The following FUBP3 variants were observed in gnomAD, a reference collection of about 807,000 sequenced individuals.
The protein encoded by FUBP3 is far upstream element-binding protein 3.
A neutral mutation model predicts 85.6 loss-of-function variants in FUBP3; 28 were observed. The ratio of observed to expected loss-of-function variants is 0.33; its 90% CI spans 0.24 to 0.45. FUBP3 has a LOEUF of 0.45. Among genes scored for constraint, FUBP3 ranks in the 20% least tolerant of loss-of-function variants. The probability of loss-of-function intolerance (pLI) is 1.00; values close to 1 mark genes in which losing one functional copy is unlikely to be tolerated. For synonymous variants in FUBP3, 271 were observed against 271.4 expected (o/e 1.00, Z 0.01); for missense variants, 583 against 755.1 (o/e 0.77, Z 2.67).
chr9:130,580,080 TCGCGAGG>T (rs1178281030), intron 1 of FUBP3, among the ~76,000 whole-genome samples: 2 of 152,012 alleles, frequency 1.3e-5, no homozygotes, highest in African/African-American at 4.8e-5. Context: ...GTTCTGAACC[TCGCGAGG>T]GGAGGGGTCC....
intron 1 of FUBP3, among the ~76,000 whole-genome samples, chr9:130,589,714 T>A (rs1287599769): frequency 1.3e-3 from 153 of 116,334 alleles, no homozygotes; most frequent in Non-Finnish European, 1.9e-3. Context: ...TATTTTTTTT[T>A]TTTTTTTTTT....
chr9:130,628,094 G>GCGCACACACACA lies in FUBP3; in HGVS notation c.1117+1590_1117+1591insGCACACACACAC, dbSNP rs1280537209. Among the ~76,000 whole-genome samples, 13 of 119,540 alleles carry GCGCACACACACA rather than the reference G, an allele frequency of 1.1e-4. No individual in the cohort carries two copies. The East Asian group carries it at 1.5e-3, about 14-fold the overall frequency. The allele number at this position is 119,540 out of a possible 152,430, so 78.4% of individuals were successfully genotyped here. A position where few individuals can be genotyped will look rare whatever the true frequency, so the allele number is the denominator to read the frequency against. On this transcript the variant is annotated intron_variant, in intron 12 of 18. Transcript: ENST00000319725. ...CACCGCACTAAACACACGCACGCAC[G>GCGCACACACACA]CACGCACGCGCACACACACACACAC... is the stretch of plus-strand genomic sequence containing the variant.
At chr9:130,613,143 T>C (rs1469890772) in intron 5 of FUBP3, 116 bp downstream of exon 5, 16 of 669,782 alleles carry the variant, frequency 2.4e-5, no homozygotes, top group Non-Finnish European at 3.7e-5. Flanking sequence ...GTGTTTTCCT[T>C]GCACTTTGGG....
chr9:130,612,398 A>G lies in FUBP3; in HGVS notation c.225-58A>G. The G allele has an allele frequency of 1.8e-6, 2 of 1,142,694 alleles. No individual in the cohort carries two copies. Among genetic ancestry groups the G allele is most frequent in the Non-Finnish European group, 2.6e-6 (2 of 761,862 alleles). 70.8% of individuals were successfully genotyped at this position (1,142,694 alleles called of 1,614,324 possible). On this transcript the variant is annotated intron_variant, in intron 3 of 18. Coordinates refer to ENST00000319725, the MANE Select transcript of FUBP3 (RefSeq NM_003934.2). The surrounding 1 kb of genome is among the most constrained non-coding windows in gnomAD (Gnocchi z 4.1). ...GCCAGTATGGGCAGTTTGGGGACCT[A>G]AAATGGCTGCAAAAGTCTGTATTCT...
At chr9:130,588,330 CAA>C (rs1216155867) in intron 1 of FUBP3, among the ~76,000 whole-genome samples, 1 of 152,054 alleles carries the variant, frequency 6.6e-6, no homozygotes, top group Non-Finnish European at 1.5e-5. Context: ...ATTTTAAAAA[CAA>C]TATTGTTAGA....
chr9:130,587,253 T>C (rs10901208), intron 1 of FUBP3, among the ~76,000 whole-genome samples: 50,470 of 151,538 alleles, frequency 0.33, 8,745 homozygotes, highest in East Asian at 0.5. Flanking sequence ...TCTGTAGAGA[T>C]GCGGTTTCAC....
At chr9:130,594,215 G>A (rs1830752531) in intron 1 of FUBP3, among the ~76,000 whole-genome samples, 1 of 152,148 alleles carries the variant, frequency 6.6e-6, no homozygotes, top group Non-Finnish European at 1.5e-5. Context: ...GCGAGACTGA[G>A]GCAGGAGGAT....
At chr9:130,581,382 GCA>G in intron 1 of FUBP3, 1 of 152,348 alleles carries the variant, frequency 6.6e-6, no homozygotes, top group South Asian at 2.1e-4. Flanking sequence ...GCTCTGAAAT[GCA>G]CCATTGACTG....
intron 3 of FUBP3, 125 bp downstream of exon 3, chr9:130,610,112 T>C: frequency 1.3e-6 from 1 of 765,844 alleles, no homozygotes; most frequent in Non-Finnish European, 2.2e-6. Flanking sequence ...TAGGCTTCTT[T>C]AAGACTCGAG....
At chr9:130,631,709 G>T in intron 14 of FUBP3, 79 bp downstream of exon 14, 2 of 1,182,830 alleles carry the variant, frequency 1.7e-6, no homozygotes, top group Non-Finnish European at 2.5e-6. Flanking sequence ...GCTACTTCTA[G>T]CGAGTGCCAG....
chr9:130,601,787 A>G (rs148466050), intron 2 of FUBP3, among the ~76,000 whole-genome samples: 158 of 148,106 alleles, frequency 1.1e-3, no homozygotes, highest in African/African-American at 3.8e-3. Context: ...TGGAAATTTT[A>G]GAAATAATTC....
At chr9:130,601,801 A>ATTATTTTTTTTT (rs374173253) in intron 2 of FUBP3, among the ~76,000 whole-genome samples, 39 of 117,376 alleles carry the variant, frequency 3.3e-4, no homozygotes, top group Non-Finnish European at 6.5e-4. Flanking sequence ...ATAATTCCTA[A>ATTATTTTTTTTT]TTTTTTTTTT....
At chr9:130,590,144 T>C (rs148556350) in intron 1 of FUBP3, among the ~76,000 whole-genome samples, 46 of 150,050 alleles carry the variant, frequency 3.1e-4, no homozygotes, top group African/African-American at 1.1e-3. Context: ...GTGGAAAACT[T>C]TGTCATGCAT....
chr9:130,612,446 T>G lies in FUBP3; in HGVS notation c.225-10T>G. The G allele has an allele frequency of 6.3e-7, 1 of 1,580,680 alleles. No individual in the cohort carries two copies. The highest frequency in any genetic ancestry group is 2.2e-5 in the East Asian group (1 of 44,732). ...TCTGTATTTTTTTCCAAAATGTTCTTTGTTTTTAGGACGGTAATAACGGAA... is the reference window on the plus strand; with the variant it reads ...TCTGTATTTTTTTCCAAAATGTTCTGTGTTTTTAGGACGGTAATAACGGAA... On this transcript the variant is annotated splice_polypyrimidine_tract_variant and intron_variant, in intron 3 of 18. Coordinates refer to ENST00000319725, the MANE Select transcript of FUBP3 (RefSeq NM_003934.2). The surrounding 1 kb of genome is among the most constrained non-coding windows in gnomAD (Gnocchi z 4.1).
At chr9:130,590,657 C>G (rs1002233572) in intron 1 of FUBP3, among the ~76,000 whole-genome samples, 8 of 152,132 alleles carry the variant, frequency 5.3e-5, no homozygotes, top group African/African-American at 1.7e-4. Context: ...CCTCACTTCC[C>G]TTAAGTAACT....
chr9:130,619,063 C>T (rs1047488308), intron 8 of FUBP3, among the ~76,000 whole-genome samples: 3 of 152,158 alleles, frequency 2.0e-5, no homozygotes, highest in East Asian at 1.9e-4. Context: ...GCTCAGCGTC[C>T]GGCCGTGGGC....
chr9:130,598,230 G>A (rs538932169), intron 2 of FUBP3, among the ~76,000 whole-genome samples: 1 of 152,302 alleles, frequency 6.6e-6, no homozygotes, highest in African/African-American at 2.4e-5. Context: ...GGAGAAAAAT[G>A]TCTGCAAAAT....
At position 130,635,693 on chromosome 9, in the gene FUBP3, T is replaced by G. The variant is rs977749416; in HGVS notation, c.1583-306T>G. 3.4e-5 allele frequency among the ~76,000 whole-genome samples: 5 copies of G among 147,488 alleles called. No homozygotes were observed. The highest frequency in any genetic ancestry group is 1.2e-4 in the African/African-American group (5 of 40,316). On this transcript the variant is annotated intron_variant, in intron 17 of 18. Transcript: ENST00000319725. The surrounding 1 kb of genome is among the most constrained non-coding windows in gnomAD (Gnocchi z 4.3). ...CCACCCCCACCCCAGGATCCCCCCT[T>G]CTCTGTCTGTCACAGGGCCCTGGGA...
chr9:130,610,124 T>A, intron 3 of FUBP3, 137 bp downstream of exon 3: 1 of 687,912 alleles, frequency 1.5e-6, no homozygotes, highest in South Asian at 1.8e-5. Context: ...AGACTCGAGT[T>A]TTTTGCTAGC....
Sources: allele counts gnomAD v4.1 joint callset (sites outside exome capture counted in the v4.1 genomes callset), GRCh38; gene constraint gnomAD v4.1.1; non-coding constraint Gnocchi (gnomAD v3.1); transcripts MANE v1.5; gene names NCBI Gene and HGNC (gene_info 2026-07-23, HGNC 2026-07-21).